Variants in WWC1 observed in about 807,000 individuals in gnomAD.
The protein encoded by WWC1 is protein KIBRA.
A neutral mutation model predicts 138.4 loss-of-function variants in WWC1; 55 were observed. The observed-to-expected ratio is 0.40, with a 90% CI of 0.32 to 0.50. WWC1 has a LOEUF of 0.50. Ranked by LOEUF, WWC1 falls within the 20% of genes least tolerant of loss-of-function variation. The probability of loss-of-function intolerance (pLI) is 0.72; values close to 1 mark genes in which losing one functional copy is unlikely to be tolerated. For synonymous variants in WWC1, 524 were observed against 564.9 expected, an observed-to-expected ratio of 0.93 and a Z score of 1.03; for missense variants, 1,226 against 1,420.4, an observed-to-expected ratio of 0.86 and a Z score of 2.20.
At chr5:168,293,527 C>T (rs1169202584) in intron 1 of WWC1, among the ~76,000 whole-genome samples, 1 of 152,014 alleles carries the variant, frequency 6.6e-6, no homozygotes, top group African/African-American at 2.4e-5. Context: ...GTTCATTCAG[C>T]GCTTCCTGGA....
chr5:168,299,152 C>T (rs1769831371), intron 1 of WWC1, among the ~76,000 whole-genome samples: 1 of 152,054 alleles, frequency 6.6e-6, no homozygotes, highest in African/African-American at 2.4e-5. Context: ...TGGAGCCCAC[C>T]TAGCTGGATT....
Position 168,401,153 on chromosome 5 carries a change from G to A in WWC1, c.590+1586G>A, listed in dbSNP as rs541460544. Among the ~76,000 whole-genome samples the A allele has an allele frequency of 8.5e-5, 13 of 152,216 alleles. No individual in the cohort carries two copies. In the East Asian group the frequency reaches 2.3e-3, roughly 27 times the overall value. ...AGGAGGAGAGAAAGAAATTAAGAAA[G>A]GGAGAGAGAAAGATGTTAGCTTATT... On this transcript the variant is annotated intron_variant, in intron 5 of 22. Transcript: ENST00000265293.
At chr5:168,400,611 T>G (rs751219816) in intron 5 of WWC1, among the ~76,000 whole-genome samples, 7 of 152,204 alleles carry the variant, frequency 4.6e-5, no homozygotes, top group Non-Finnish European at 7.3e-5. Flanking sequence ...ACCCCCATTT[T>G]ATAGATGAGA....
At chr5:168,345,096 C>G (rs1055856296) in intron 1 of WWC1, among the ~76,000 whole-genome samples, 1 of 152,114 alleles carries the variant, frequency 6.6e-6, no homozygotes, top group African/African-American at 2.4e-5. Flanking sequence ...CTTGGTATCA[C>G]TGAAATCCTT....
At chr5:168,463,047 G>A (rs1756957741) in intron 20 of WWC1, among the ~76,000 whole-genome samples, 1 of 152,136 alleles carries the variant, frequency 6.6e-6, no homozygotes, top group Non-Finnish European at 1.5e-5. Context: ...ATGAGACTAG[G>A]TCTTATGGTA....
intron 1 of WWC1, among the ~76,000 whole-genome samples, chr5:168,324,593 T>C (rs182852473): frequency 7.4e-4 from 112 of 152,170 alleles, no homozygotes; most frequent in African/African-American, 2.3e-3. Context: ...ATAATAATGG[T>C]GTATTGTGGA....
chr5:168,319,296 T>A (rs928657366), intron 1 of WWC1, among the ~76,000 whole-genome samples: 2 of 152,108 alleles, frequency 1.3e-5, no homozygotes, highest in Admixed American at 6.5e-5. Context: ...GGCGGGTGCC[T>A]GTAATCCCAG....
chr5:168,434,798 A>G (rs1319097961), intron 15 of WWC1, among the ~76,000 whole-genome samples: 1 of 152,216 alleles, frequency 6.6e-6, no homozygotes, highest in Non-Finnish European at 1.5e-5. Flanking sequence ...CAGGGAGCCT[A>G]GTTGCCCACT....
intron 16 of WWC1, 140 bp from the exon 17 acceptor site, chr5:168,444,354 G>T: frequency 1.3e-6 from 1 of 775,370 alleles, no homozygotes. Context: ...AGTGACCTTG[G>T]GCAAGACACT....
At chr5:168,444,085 C>T (rs761976777) in intron 16 of WWC1, among the ~76,000 whole-genome samples, 1 of 152,186 alleles carries the variant, frequency 6.6e-6, no homozygotes, top group Non-Finnish European at 1.5e-5. Flanking sequence ...ATCACTGTTC[C>T]GCTGTTCCCA....
At chr5:168,432,047 CAAA>C (rs10532675) in intron 15 of WWC1, among the ~76,000 whole-genome samples, 126 of 111,336 alleles carry the variant, frequency 1.1e-3, no homozygotes, top group Middle Eastern at 4.8e-3. Flanking sequence ...AACCCTGTGT[CAAA>C]AAAAAAAAAA....
At chr5:168,449,124 G>T (rs1010122326) in intron 17 of WWC1, among the ~76,000 whole-genome samples, 5 of 151,698 alleles carry the variant, frequency 3.3e-5, no homozygotes, top group African/African-American at 1.2e-4. Context: ...GCCTGTTTCT[G>T]TACCTTCACC....
At chr5:168,467,508 T>C (rs1176269266) in intron 21 of WWC1, among the ~76,000 whole-genome samples, 1 of 152,196 alleles carries the variant, frequency 6.6e-6, no homozygotes, top group Non-Finnish European at 1.5e-5. Context: ...CTTACTTTGC[T>C]GGAGCCTAAG....
chr5:168,300,175 G>A (rs929977543), intron 1 of WWC1, among the ~76,000 whole-genome samples: 3 of 152,264 alleles, frequency 2.0e-5, no homozygotes, highest in East Asian at 1.9e-4. Context: ...CCTCGAATCC[G>A]TTTCAGAGTG....
intron 1 of WWC1, among the ~76,000 whole-genome samples, chr5:168,363,392 C>T (rs911999517): frequency 4.0e-5 from 6 of 151,712 alleles, no homozygotes; most frequent in East Asian, 1.9e-4. Context: ...GGCATGGTGG[C>T]GGGCACCTGT....
chr5:168,312,339 C>T (rs567109776), intron 1 of WWC1, among the ~76,000 whole-genome samples: 90 of 152,280 alleles, frequency 5.9e-4, no homozygotes, highest in African/African-American at 2.0e-3. Flanking sequence ...CTAATATTGT[C>T]GTTATTTAGA....
rs1756071505 is a variant in WWC1 at position 168,454,015 on chromosome 5, A to G, written c.2573A>G (p.Glu858Gly). Reference protein sequence around the residue: ...SENEAVAEEEEEEVEEEEGEE... With the variant: ...SENEAVAEEEGEEVEEEEGEE... ...AATGAGGCAGTAGCCGAGGAAGAGGAGGAGGAGGTGGAGGAGGAGGAGGGA... is the reference window on the plus strand; with the variant it reads ...AATGAGGCAGTAGCCGAGGAAGAGGGGGAGGAGGTGGAGGAGGAGGAGGGA... The change falls in exon 18 of 23, where the codon GAG (glutamate) becomes GGG (glycine). Residue 858 changes from glutamate (E) to glycine (G), a missense_variant. By Grantham distance (98) the Glu-to-Gly change is moderately conservative. Transcript: ENST00000265293. The G allele has an allele frequency of 1.3e-6, 2 of 1,591,132 alleles. No homozygotes were observed. The highest frequency in any genetic ancestry group is 1.7e-5 in the African/African-American group (1 of 60,536).
intron 1 of WWC1, among the ~76,000 whole-genome samples, chr5:168,295,808 T>C (rs1186568134): frequency 2.6e-5 from 4 of 152,112 alleles, no homozygotes; most frequent in Non-Finnish European, 5.9e-5. Flanking sequence ...GCAGCCAGCC[T>C]TGCCAACTCT....
At chr5:168,390,342 G>A (rs1778383260) in intron 3 of WWC1, among the ~76,000 whole-genome samples, 1 of 152,046 alleles carries the variant, frequency 6.6e-6, no homozygotes, top group Admixed American at 6.5e-5. Flanking sequence ...GAACCAATAA[G>A]AATAAATACA....
Sources: gnomAD v4.1 joint callset for allele counts (sites outside exome capture counted in the v4.1 genomes callset) on GRCh38, gnomAD v4.1.1 for gene constraint, MANE v1.5 for transcripts, NCBI Gene and HGNC (gene_info 2026-07-23, HGNC 2026-07-21) for gene names.